FBXL13: variants seen among roughly 807,000 people sequenced by gnomAD.
FBXL13 encodes F-box and leucine rich repeat protein 13, also known as F-box and leucine-rich repeat protein 13.
FBXL13 carries 67 observed loss-of-function variants against 83.6 expected under a neutral mutation model. The ratio of observed to expected loss-of-function variants is 0.80; its 90% CI spans 0.66 to 0.98. The LOEUF (loss-of-function observed/expected upper bound fraction) is 0.98. Ranked by LOEUF, FBXL13 falls within the 50% of genes least tolerant of loss-of-function variation. FBXL13 has a pLI of 0.00. For synonymous variants in FBXL13, 272 were observed against 299.5 expected, an observed-to-expected ratio of 0.91 and a Z score of 0.95; for missense variants, 822 against 866.5, an observed-to-expected ratio of 0.95 and a Z score of 0.64.
intron 11 of FBXL13, among the ~76,000 whole-genome samples, chr7:102,900,072 T>C (rs1812776959): frequency 6.6e-6 from 1 of 152,122 alleles, no homozygotes; most frequent in South Asian, 2.1e-4. Context: ...AATAATAAAA[T>C]AATCCCAAAA....
intron 1 of FBXL13, among the ~76,000 whole-genome samples, chr7:103,063,402 G>T (rs930765452): frequency 6.6e-6 from 1 of 152,152 alleles, no homozygotes; most frequent in Admixed American, 6.5e-5. Context: ...ATGTGTATAG[G>T]TTATATACAA....
chr7:102,838,146 A>G (rs1294991753), intron 17 of FBXL13, among the ~76,000 whole-genome samples: 1 of 152,174 alleles, frequency 6.6e-6, no homozygotes, highest in Non-Finnish European at 1.5e-5. Flanking sequence ...CTGGGGGCCC[A>G]CTGGCTTGAG....
intron 11 of FBXL13, among the ~76,000 whole-genome samples, chr7:102,892,951 T>C (rs1235929136): frequency 1.3e-5 from 2 of 152,210 alleles, no homozygotes; most frequent in Non-Finnish European, 2.9e-5. Flanking sequence ...AAAGTCAGGC[T>C]TTTCCTGCCC....
intron 16 of FBXL13, among the ~76,000 whole-genome samples, chr7:102,858,090 A>G (rs1806289576): frequency 6.6e-6 from 1 of 152,238 alleles, no homozygotes; most frequent in African/African-American, 2.4e-5. Flanking sequence ...AAAATGTAGT[A>G]TATATACACA....
At chr7:103,055,060 T>C in intron 2 of FBXL13, 28 bp downstream of exon 3, 2 of 1,166,720 alleles carry the variant, frequency 1.7e-6, no homozygotes, top group Non-Finnish European at 2.3e-6. Context: ...AAATATATAT[T>C]TGCGTATTCT....
chr7:102,910,338 T>C (rs1814441526), intron 11 of FBXL13, among the ~76,000 whole-genome samples: 2 of 152,180 alleles, frequency 1.3e-5, no homozygotes, highest in Admixed American at 1.3e-4. Flanking sequence ...GTACGATGAC[T>C]GCTCATCTGA....
chr7:103,066,183 T>G (rs1798374373), intron 1 of FBXL13, among the ~76,000 whole-genome samples: 1 of 152,192 alleles, frequency 6.6e-6, no homozygotes. Flanking sequence ...GAAAAAAATT[T>G]TAGACTTTAA....
intron 16 of FBXL13, among the ~76,000 whole-genome samples, chr7:102,860,939 T>C (rs2129452670): frequency 6.6e-6 from 1 of 151,950 alleles, no homozygotes; most frequent in Admixed American, 6.6e-5. Context: ...TATATATGTA[T>C]GAATAAAATT....
intron 6 of FBXL13, among the ~76,000 whole-genome samples, chr7:102,989,879 C>T (rs1201538256): frequency 6.6e-6 from 1 of 152,134 alleles, no homozygotes; most frequent in East Asian, 1.9e-4. Flanking sequence ...TCTAAAATTG[C>T]TGTATATGTA....
intron 6 of FBXL13, among the ~76,000 whole-genome samples, chr7:103,016,213 A>G (rs893767040): frequency 6.6e-6 from 1 of 152,094 alleles, no homozygotes; most frequent in African/African-American, 2.4e-5. Context: ...AGGTAATCCT[A>G]AGTGAAAAGA....
At chr7:102,933,812 C>T (rs1291321365) in intron 8 of FBXL13, 1 of 1,281,676 alleles carries the variant, frequency 7.8e-7, no homozygotes, top group Non-Finnish European at 1.1e-6. Flanking sequence ...TCTCATTGTT[C>T]CAGAACTGCA....
At chr7:103,000,059 C>T (rs568341170) in intron 6 of FBXL13, among the ~76,000 whole-genome samples, 5 of 152,178 alleles carry the variant, frequency 3.3e-5, no homozygotes, top group African/African-American at 1.2e-4. Context: ...TCTGATTTTG[C>T]TGTATCCCAT....
At chr7:102,837,147 A>G (rs1270687826) in intron 17 of FBXL13, among the ~76,000 whole-genome samples, 1 of 152,230 alleles carries the variant, frequency 6.6e-6, no homozygotes, top group Non-Finnish European at 1.5e-5. Context: ...ATGGAGAGCT[A>G]CACTCCACCA....
At chr7:102,889,082 G>C (rs1381544640) in intron 11 of FBXL13, among the ~76,000 whole-genome samples, 1 of 152,134 alleles carries the variant, frequency 6.6e-6, no homozygotes, top group Non-Finnish European at 1.5e-5. Flanking sequence ...GTTCTTCTGG[G>C]CACATTTTGC....
rs542030746 is a variant in FBXL13, at chr7:102,850,974, G to A, written c.1719+3803C>T. On this transcript the variant is annotated intron_variant, in intron 17 of 19. Transcript: ENST00000313221. ...GAAACAGCAAAAATAATTTGAAAAC[G>A]TTTTTCTCTCACTAAGCTGTCAAAC... Among the ~76,000 whole-genome samples the A allele has an allele frequency of 6.6e-5, 10 of 152,248 alleles. No homozygotes were observed. The South Asian group carries it at 2.1e-3, about 32-fold the overall frequency.
intron 17 of FBXL13, among the ~76,000 whole-genome samples, chr7:102,852,469 G>A (rs1047738162): frequency 1.3e-5 from 2 of 151,776 alleles, no homozygotes; most frequent in Admixed American, 6.6e-5. Flanking sequence ...AATCTACAAC[G>A]AACTCAAACA....
intron 6 of FBXL13, chr7:102,988,478 T>C (rs904823022): frequency 3.3e-5 from 5 of 151,976 alleles, no homozygotes; most frequent in African/African-American, 1.2e-4. Context: ...ATTAGAAAAT[T>C]TGGAAAAACC....
At chr7:102,816,227 C>T (rs1797983004) in intron 19 of FBXL13, 1 of 152,224 alleles carries the variant, frequency 6.6e-6, no homozygotes. Context: ...CTCAGACCCA[C>T]TCTCCTTCCA....
chr7:102,888,254 C>T (rs779103359), intron 11 of FBXL13, among the ~76,000 whole-genome samples: 13 of 152,144 alleles, frequency 8.5e-5, no homozygotes, highest in Non-Finnish European at 1.9e-4. Flanking sequence ...GAAAAGAATT[C>T]CAGGCTGGGT....
Sources: allele counts gnomAD v4.1 joint callset (sites outside exome capture counted in the v4.1 genomes callset), GRCh38; gene constraint gnomAD v4.1.1; transcripts MANE v1.5; gene names NCBI Gene and HGNC (gene_info 2026-07-23, HGNC 2026-07-21).